Variants in AFF3 observed in about 807,000 individuals in gnomAD.
AFF3 encodes AF4/FMR2 family member 3.
A neutral mutation model predicts 129.7 loss-of-function variants in AFF3; 32 were observed. That is an observed-to-expected ratio of 0.25 (90% CI 0.19 to 0.33). The LOEUF (loss-of-function observed/expected upper bound fraction) is 0.33, where lower values mean the gene tolerates loss of function less well. Among genes scored for constraint, AFF3 ranks in the 10% least tolerant of loss-of-function variants. The probability of loss-of-function intolerance (pLI) is 1.00; values close to 1 mark genes in which losing one functional copy is unlikely to be tolerated. For missense variants in AFF3, 1,373 were observed against 1,592.0 expected (o/e 0.86, Z 2.34); for synonymous variants, 644 against 635.4 (o/e 1.01, Z -0.20).
intron 7 of AFF3, among the ~76,000 whole-genome samples, chr2:99,847,516 G>T (rs1159388628): frequency 6.6e-6 from 1 of 151,898 alleles, no homozygotes. Context: ...ATATTTGCAG[G>T]ATATGAAGAG....
At chr2:99,779,433 A>G (rs558485641) in intron 8 of AFF3, among the ~76,000 whole-genome samples, 2 of 152,378 alleles carry the variant, frequency 1.3e-5, no homozygotes, top group East Asian at 3.8e-4. Context: ...AATATTACAT[A>G]GCAGTGTGGT....
At chr2:99,824,299 G>C (rs554378734) in intron 8 of AFF3, among the ~76,000 whole-genome samples, 24 of 152,136 alleles carry the variant, frequency 1.6e-4, no homozygotes, top group African/African-American at 5.8e-4. Context: ...GTGTTTAGTA[G>C]AGACAGGGTT....
chr2:100,063,578 TA>T (rs1687476122), intron 4 of AFF3, among the ~76,000 whole-genome samples: 1 of 151,916 alleles, frequency 6.6e-6, no homozygotes, highest in African/African-American at 2.4e-5. Flanking sequence ...AAAAATTACC[TA>T]AAAGGCAATA....
intron 4 of AFF3, among the ~76,000 whole-genome samples, chr2:100,086,884 T>C (rs1399809067): frequency 6.6e-6 from 1 of 152,274 alleles, no homozygotes; most frequent in African/African-American, 2.4e-5. Context: ...TTAAACCTCT[T>C]ACAACAGCCC....
intron 1 of AFF3, 110 bp from the exon 2 acceptor site, chr2:100,129,416 G>GTGTGTGTGTGTGTGTGTGTGTGTA (rs1491429504): frequency 1.1e-3 from 161 of 141,590 alleles, no homozygotes; most frequent in Middle Eastern, 7.2e-3. Context: ...GTGTGTGTGT[G>GTGTGTGTGTGTGTGTGTGTGTGTA]TATACATATT....
chr2:99,968,647 C>G (rs534063043), intron 7 of AFF3, among the ~76,000 whole-genome samples: 1 of 152,170 alleles, frequency 6.6e-6, no homozygotes, highest in African/African-American at 2.4e-5. Context: ...GCAGGAACAT[C>G]AAGAAACAAG....
chr2:100,075,076 C>T (rs1427213507), intron 4 of AFF3, among the ~76,000 whole-genome samples: 1 of 152,146 alleles, frequency 6.6e-6, no homozygotes, highest in Non-Finnish European at 1.5e-5. Context: ...GCTCTCTGCT[C>T]CAAAGAGTAT....
At position 100,035,984 on chromosome 2, in the gene AFF3, T is replaced by C. The variant is rs530105868; in HGVS notation, c.54-27052A>G. ...AGCAATGAGGCTACTTCAAGGAATATGGCCTTGAAAAGCCCAGATTTCTCC... is the reference window on the plus strand; with the variant it reads ...AGCAATGAGGCTACTTCAAGGAATACGGCCTTGAAAAGCCCAGATTTCTCC... On this transcript the variant is annotated intron_variant, in intron 4 of 24. Coordinates refer to ENST00000672756, the MANE Select transcript of AFF3 (RefSeq NM_001386135.1). Among the ~76,000 whole-genome samples, 485 of 152,176 alleles carry C rather than the reference T, an allele frequency of 3.2e-3. 1 individual carries two copies. The highest frequency in any genetic ancestry group is 5.4e-3 in the Non-Finnish European group (369 of 67,984).
intron 7 of AFF3, among the ~76,000 whole-genome samples, chr2:99,853,728 G>C (rs530580403): frequency 6.6e-6 from 1 of 152,296 alleles, no homozygotes; most frequent in African/African-American, 2.4e-5. Flanking sequence ...CCACGTCTGT[G>C]CTCTTAACTG....
At chr2:99,611,717 T>C (rs1032847096) in intron 13 of AFF3, among the ~76,000 whole-genome samples, 2 of 151,982 alleles carry the variant, frequency 1.3e-5, no homozygotes, top group African/African-American at 4.8e-5. Flanking sequence ...TAAAACCCCA[T>C]CTCTACTAAA....
chr2:100,016,114 G>A (rs1001609071), intron 4 of AFF3, among the ~76,000 whole-genome samples: 1 of 151,174 alleles, frequency 6.6e-6, no homozygotes, highest in Admixed American at 6.6e-5. Context: ...GGTGGTGGTG[G>A]TAGCAATGGT....
intron 8 of AFF3, among the ~76,000 whole-genome samples, chr2:99,795,628 C>T (rs768650655): frequency 9.2e-5 from 14 of 152,088 alleles, no homozygotes; most frequent in African/African-American, 1.7e-4. Context: ...CTAAACTCCT[C>T]GGCTCGGCTT....
intron 14 of AFF3, among the ~76,000 whole-genome samples, chr2:99,597,248 C>T (rs1679380535): frequency 6.6e-6 from 1 of 152,120 alleles, no homozygotes; most frequent in African/African-American, 2.4e-5. Context: ...AAAGGGGGAC[C>T]GCATTCCTTT....
chr2:100,044,278 C>A (rs186981250), intron 4 of AFF3, among the ~76,000 whole-genome samples: 58 of 152,334 alleles, frequency 3.8e-4, no homozygotes, highest in Non-Finnish European at 5.7e-4. Flanking sequence ...AAACAGCTCA[C>A]CCCGTGTATT....
intron 7 of AFF3, among the ~76,000 whole-genome samples, chr2:99,932,560 G>A (rs564905254): frequency 3.5e-4 from 53 of 152,276 alleles, no homozygotes; most frequent in African/African-American, 1.2e-3. Context: ...GCTTGGCCAG[G>A]ATCCAGCCAA....
intron 13 of AFF3, among the ~76,000 whole-genome samples, chr2:99,628,333 G>A (rs1162651604): frequency 1.3e-5 from 2 of 152,098 alleles, no homozygotes; most frequent in Non-Finnish European, 2.9e-5. Context: ...AATTGTGAAT[G>A]GGAGTTCATG....
intron 11 of AFF3, among the ~76,000 whole-genome samples, chr2:99,711,188 C>T (rs762245095): frequency 2.6e-5 from 4 of 152,088 alleles, no homozygotes; most frequent in Admixed American, 6.5e-5. Context: ...ACATCTCTCC[C>T]GTTTCATGTG....
chr2:99,717,197 C>T (rs1440196935), intron 11 of AFF3, among the ~76,000 whole-genome samples: 1 of 152,178 alleles, frequency 6.6e-6, no homozygotes, highest in East Asian at 1.9e-4. Context: ...AATATTCTTG[C>T]ACGAATCTTT....
intron 4 of AFF3, among the ~76,000 whole-genome samples, chr2:100,084,213 T>C (rs1264423310): frequency 2.6e-5 from 4 of 152,252 alleles, no homozygotes; most frequent in Non-Finnish European, 5.9e-5. Flanking sequence ...GGCGACCACA[T>C]GCTATGTGTC....
Sources: allele counts gnomAD v4.1 joint callset (sites outside exome capture counted in the v4.1 genomes callset), GRCh38; gene constraint gnomAD v4.1.1; transcripts MANE v1.5; gene names NCBI Gene and HGNC (gene_info 2026-07-23, HGNC 2026-07-21).